The following HYCC2 variants were observed in gnomAD, a reference collection of about 807,000 sequenced individuals.
The protein encoded by HYCC2 is hyccin 2.
At chr2:200,997,617 A>C in the HYCC2 span, 1 of 856,970 alleles carries the variant, frequency 1.2e-6, no homozygotes, top group Non-Finnish European at 1.9e-6. Flanking sequence ...CAATGCCTTA[A>C]TATTGACCTT....
the HYCC2 span, among the ~76,000 whole-genome samples, chr2:201,064,931 C>T: frequency 6.6e-6 from 1 of 152,176 alleles, no homozygotes; most frequent in Admixed American, 6.5e-5. Flanking sequence ...AGTAAAATAT[C>T]AAGACCAGGA....
At chr2:200,992,435 G>T in the HYCC2 span, 3 of 1,089,570 alleles carry the variant, frequency 2.8e-6, no homozygotes, top group African/African-American at 4.7e-5. Flanking sequence ...TTTTTAAATT[G>T]TTCCAAGTCC....
the HYCC2 span, among the ~76,000 whole-genome samples, chr2:201,034,298 G>A: frequency 2.0e-5 from 3 of 152,046 alleles, no homozygotes; most frequent in Admixed American, 2.0e-4. Context: ...TTCTGTTTTG[G>A]GTGCATATAT....
the HYCC2 span, chr2:201,023,899 C>T: frequency 4.3e-5 from 53 of 1,243,234 alleles, no homozygotes; most frequent in South Asian, 6.2e-4. Context: ...AGCACATATT[C>T]AGTTTGAATT....
chr2:201,022,691 G>C, the HYCC2 span: 1 of 519,772 alleles, frequency 1.9e-6, no homozygotes. Flanking sequence ...GAAAGCCAAA[G>C]CAACTATCAG....
chr2:201,055,198 T>C, the HYCC2 span, among the ~76,000 whole-genome samples: 1 of 152,134 alleles, frequency 6.6e-6, no homozygotes, highest in Non-Finnish European at 1.5e-5. Flanking sequence ...CTCAATTTTT[T>C]TTATTGTGGT....
the HYCC2 span, chr2:201,022,237 T>G: frequency 2.1e-6 from 1 of 468,508 alleles, no homozygotes; most frequent in Middle Eastern, 3.4e-4. Context: ...AATGTGTGTA[T>G]TTTGCATAAA....
the HYCC2 span, among the ~76,000 whole-genome samples, chr2:200,985,659 C>G: frequency 5.3e-5 from 8 of 151,828 alleles, no homozygotes; most frequent in Non-Finnish European, 8.8e-5. Context: ...GAGATCCTGC[C>G]TCAAAAAAAT....
chr2:201,018,364 G>T, the HYCC2 span, among the ~76,000 whole-genome samples: 1 of 150,790 alleles, frequency 6.6e-6, no homozygotes, highest in African/African-American at 2.5e-5. Flanking sequence ...TAAAAAAAAA[G>T]AATAATAGTT....
At chr2:201,038,191 A>C in the HYCC2 span, among the ~76,000 whole-genome samples, 1 of 152,226 alleles carries the variant, frequency 6.6e-6, no homozygotes, top group African/African-American at 2.4e-5. Context: ...AACCACAATG[A>C]GATACCATCT....
At chr2:201,004,134 C>T in the HYCC2 span, among the ~76,000 whole-genome samples, 1,178 of 152,160 alleles carry the variant, frequency 7.7e-3, 36 homozygotes, top group South Asian at 0.11. Context: ...TTTTTATCAG[C>T]TTATGAGTGG....
chr2:200,982,788 G>A, the HYCC2 span, among the ~76,000 whole-genome samples: 1 of 151,414 alleles, frequency 6.6e-6, no homozygotes, highest in African/African-American at 2.4e-5. Context: ...AGACAGTCTT[G>A]CTCTGTCACC....
chr2:201,021,418 A>G, the HYCC2 span: 3 of 153,766 alleles, frequency 2.0e-5, no homozygotes, highest in African/African-American at 7.2e-5. Context: ...AGTCCCACAC[A>G]TTAATATTAC....
At chr2:201,046,170 A>AAGATTTT in the HYCC2 span, among the ~76,000 whole-genome samples, 1 of 152,346 alleles carries the variant, frequency 6.6e-6, no homozygotes, top group East Asian at 1.9e-4. Context: ...AACACATTAA[A>AAGATTTT]AGATTTTGTC....
the HYCC2 span, among the ~76,000 whole-genome samples, chr2:201,032,096 G>T: frequency 6.6e-6 from 1 of 152,066 alleles, no homozygotes; most frequent in African/African-American, 2.4e-5. Flanking sequence ...GAGTATCTGG[G>T]ATTACAGGCA....
chr2:201,010,321 A>G, the HYCC2 span, among the ~76,000 whole-genome samples: 3 of 152,198 alleles, frequency 2.0e-5, no homozygotes, highest in African/African-American at 7.2e-5. Context: ...GCAAAGAGCT[A>G]TGAGATGGTC....
the HYCC2 span, chr2:201,023,717 C>A: frequency 3.1e-6 from 1 of 317,588 alleles, no homozygotes; most frequent in East Asian, 5.2e-5. Context: ...AATATCGTCT[C>A]ATCAATCCTA....
the HYCC2 span, among the ~76,000 whole-genome samples, chr2:201,057,797 TAG>T: frequency 6.6e-6 from 1 of 151,986 alleles, no homozygotes; most frequent in Non-Finnish European, 1.5e-5. Flanking sequence ...TACAGAGAAG[TAG>T]CCCTACAGGA....
chr2:201,054,263 C>T, the HYCC2 span, among the ~76,000 whole-genome samples: 3 of 152,210 alleles, frequency 2.0e-5, no homozygotes, highest in African/African-American at 7.2e-5. Context: ...CAAGCTTGAG[C>T]TTGGTTTCTT....
Sources: gnomAD v4.1 joint callset for allele counts (sites outside exome capture counted in the v4.1 genomes callset) on GRCh38, gnomAD v4.1.1 for gene constraint, MANE v1.5 for transcripts, NCBI Gene and HGNC (gene_info 2026-07-23, HGNC 2026-07-21) for gene names.